The following PKN2 variants were observed in gnomAD, a reference collection of about 807,000 sequenced individuals.
PKN2 encodes protein kinase N2, also known as serine/threonine-protein kinase N2.
PKN2 carries 38 observed loss-of-function variants against 119.1 expected under a neutral mutation model. The ratio of observed to expected loss-of-function variants is 0.32; its 90% CI spans 0.25 to 0.42. PKN2 has a LOEUF of 0.42. Ranked by LOEUF, PKN2 falls within the 10% of genes least tolerant of loss-of-function variation. The pLI, the probability that PKN2 is intolerant of heterozygous loss-of-function variation, is 1.00. For synonymous variants in PKN2, 390 were observed against 384.9 expected, an observed-to-expected ratio of 1.01 and a Z score of -0.15; for missense variants, 850 against 1,165.1, an observed-to-expected ratio of 0.73 and a Z score of 3.94.
intron 6 of PKN2, among the ~76,000 whole-genome samples, chr1:88,778,890 T>C (rs1173712762): frequency 6.6e-6 from 1 of 152,162 alleles, no homozygotes; most frequent in African/African-American, 2.4e-5. Context: ...ATTTTTTGTA[T>C]TTTTAGTAGA....
intron 8 of PKN2, among the ~76,000 whole-genome samples, chr1:88,795,532 A>G (rs1400272050): frequency 6.6e-6 from 1 of 152,196 alleles, no homozygotes; most frequent in Non-Finnish European, 1.5e-5. Flanking sequence ...TACTGCCATT[A>G]TAGGTTCTGA....
chr1:88,741,418 T>C, intron 2 of PKN2, 130 bp downstream of exon 2: 2 of 567,692 alleles, frequency 3.5e-6, no homozygotes, highest in Admixed American at 7.6e-5. Context: ...TTTTCTCTTT[T>C]GGTTAAGGTC....
intron 2 of PKN2, among the ~76,000 whole-genome samples, chr1:88,754,322 C>G (rs567862054): frequency 6.6e-6 from 1 of 151,544 alleles, no homozygotes; most frequent in Admixed American, 6.6e-5. Flanking sequence ...TGCTATTTTT[C>G]TGTGTCTGGT....
At chr1:88,821,812 ATAG>A in intron 16 of PKN2, 126 bp from the exon 17 acceptor site, 1 of 697,698 alleles carries the variant, frequency 1.4e-6, no homozygotes. Context: ...AATGTGATAC[ATAG>A]TAGGGACTAA....
At chr1:88,697,298 A>G (rs1666578187) in intron 1 of PKN2, among the ~76,000 whole-genome samples, 1 of 152,198 alleles carries the variant, frequency 6.6e-6, no homozygotes. Context: ...AAATGCTTGA[A>G]TAAATAAATG....
chr1:88,721,606 A>G (rs930490004), intron 1 of PKN2, among the ~76,000 whole-genome samples: 4 of 152,156 alleles, frequency 2.6e-5, no homozygotes, highest in Non-Finnish European at 2.9e-5. Context: ...TGATTTTTGA[A>G]GTTACTTAAA....
At chr1:88,792,156 G>C (rs1471281126) in intron 8 of PKN2, among the ~76,000 whole-genome samples, 2 of 152,158 alleles carry the variant, frequency 1.3e-5, no homozygotes, top group African/African-American at 4.8e-5. Context: ...TGTAATCCCA[G>C]CACTTTGGGA....
Position 88,705,043 on chromosome 1 carries a change from G to C in PKN2, c.48+20415G>C, listed in dbSNP as rs1307537617. On this transcript the variant is annotated intron_variant, in intron 1 of 21. Coordinates refer to ENST00000370521, the MANE Select transcript of PKN2 (RefSeq NM_006256.4). ...GAGTTATTTTCTTATTGAATGTTGAGAGTCTTTATATATTCTGAATTTAAT... is the reference window on the plus strand; with the variant it reads ...GAGTTATTTTCTTATTGAATGTTGACAGTCTTTATATATTCTGAATTTAAT... Among the ~76,000 whole-genome samples the C allele has an allele frequency of 2.0e-5, 3 of 151,812 alleles. No individual in the cohort carries two copies. In the East Asian group the frequency reaches 5.8e-4, roughly 29 times the overall value.
chr1:88,760,278 A>G lies in PKN2; in HGVS notation c.406A>G (p.Asn136Asp). The stretch of plus-strand genomic sequence containing the variant: ...TGACCCTCGTTGTTCTACTAGCAAC[A>G]ATAGATTGAAGGCCTTACAAAAACA... ...NNDPRCSTSN[N>D]RLKALQKQLD... The change falls in exon 3 of 22, where the codon AAT (asparagine) becomes GAT (aspartate). Residue 136 changes from asparagine (N) to aspartate (D), a missense_variant. By Grantham distance (23) the Asn-to-Asp change is conservative. This residue lies in a region of PKN2 where 350 missense variants were observed against 511.1 expected (regional missense o/e 0.68). Transcript: ENST00000370521. The G allele has an allele frequency of 6.3e-7, 1 of 1,579,800 alleles. No individual in the cohort carries two copies. Among genetic ancestry groups the G allele is most frequent in the Non-Finnish European group, 8.7e-7 (1 of 1,150,602 alleles).
At chr1:88,776,704 C>T (rs1641255179) in intron 6 of PKN2, among the ~76,000 whole-genome samples, 1 of 151,670 alleles carries the variant, frequency 6.6e-6, no homozygotes, top group African/African-American at 2.4e-5. Flanking sequence ...CATGCCACTG[C>T]ACTCCAGCCT....
chr1:88,735,204 G>A (rs1168896642), intron 1 of PKN2, among the ~76,000 whole-genome samples: 2 of 152,072 alleles, frequency 1.3e-5, no homozygotes, highest in Non-Finnish European at 2.9e-5. Flanking sequence ...TGTCCTTCAG[G>A]CTAGAGGGCG....
At chr1:88,705,160 A>C (rs1666927667) in intron 1 of PKN2, among the ~76,000 whole-genome samples, 1 of 151,310 alleles carries the variant, frequency 6.6e-6, no homozygotes, top group Non-Finnish European at 1.5e-5. Context: ...GTATCTTTCC[A>C]GGAGCAGAAG....
intron 2 of PKN2, among the ~76,000 whole-genome samples, chr1:88,749,268 A>G (rs1456814305): frequency 6.6e-6 from 1 of 152,100 alleles, no homozygotes; most frequent in Admixed American, 6.6e-5. Context: ...CAGTTCTGCA[A>G]TTTTTATACC....
At chr1:88,739,547 G>A (rs1668494236) in intron 1 of PKN2, among the ~76,000 whole-genome samples, 1 of 152,144 alleles carries the variant, frequency 6.6e-6, no homozygotes, top group East Asian at 1.9e-4. Context: ...GAAAATCTTT[G>A]CATTAATTAG....
At chr1:88,724,882 G>GGTTTTTT (rs1667835015) in intron 1 of PKN2, among the ~76,000 whole-genome samples, 4 of 106,012 alleles carry the variant, frequency 3.8e-5, no homozygotes, top group African/African-American at 1.7e-4. Context: ...CCACCCCTTG[G>GGTTTTTT]TTTTTTTTTT....
At chr1:88,770,242 T>C in intron 3 of PKN2, 110 bp from the exon 4 acceptor site, 1 of 626,098 alleles carries the variant, frequency 1.6e-6, no homozygotes, top group Non-Finnish European at 2.9e-6. Flanking sequence ...CAGCATTCTT[T>C]TAACTCTGTT....
At chr1:88,775,779 G>C (rs573034878) in intron 6 of PKN2, among the ~76,000 whole-genome samples, 1 of 152,026 alleles carries the variant, frequency 6.6e-6, no homozygotes, top group Non-Finnish European at 1.5e-5. Flanking sequence ...AATCATAAAG[G>C]AAACAAAAAG....
chr1:88,767,315 A>G (rs997952387), intron 3 of PKN2, among the ~76,000 whole-genome samples: 11 of 152,238 alleles, frequency 7.2e-5, no homozygotes, highest in East Asian at 5.8e-4. Context: ...TTTATATATA[A>G]TAAGATTTGG....
At chr1:88,802,057 C>T (rs1172977901) in intron 8 of PKN2, among the ~76,000 whole-genome samples, 1 of 152,210 alleles carries the variant, frequency 6.6e-6, no homozygotes, top group Non-Finnish European at 1.5e-5. Context: ...TAAGACTTGC[C>T]TGGGCCTGTC....
Sources: allele counts gnomAD v4.1 joint callset (sites outside exome capture counted in the v4.1 genomes callset), GRCh38; gene constraint gnomAD v4.1.1; regional missense constraint gnomAD v4.1.1; transcripts MANE v1.5; gene names NCBI Gene and HGNC (gene_info 2026-07-23, HGNC 2026-07-21).